Variants in CHD2 observed in about 807,000 individuals in gnomAD.
The protein encoded by CHD2 is ATP-dependent chromatin remodeler CHD2.
In CHD2, 28 loss-of-function variants were observed where a neutral mutation model predicts 243.9. The observed-to-expected ratio is 0.11, with a 90% CI of 0.09 to 0.16. The LOEUF is 0.16. CHD2 is among the 10% of genes least tolerant of loss of function. CHD2 has a pLI of 1.00. For synonymous variants in CHD2, 775 were observed against 779.0 expected (o/e 0.99, Z 0.09); for missense variants, 1,386 against 2,209.8 (o/e 0.63, Z 7.47).
rs2053521051 is a variant in CHD2 at position 92,949,373 on chromosome 15, G to C, written c.1502+297G>C. 7.4e-6 allele frequency: 3 copies of C among 404,560 alleles called. No individual in the cohort carries two copies. The South Asian group carries it at 2.1e-4, about 29-fold the overall frequency. The allele number at this position is 404,560 out of a possible 1,614,324, so 25.1% of individuals were successfully genotyped here. A position where few individuals can be genotyped will look rare whatever the true frequency, so the allele number is the denominator to read the frequency against. Reference sequence around the variant, plus strand: ...TGTTACTCATGAGTGTATATAGCAAGTTAAGTCACTCAAATCTTTAATGTG... The same window carrying C: ...TGTTACTCATGAGTGTATATAGCAACTTAAGTCACTCAAATCTTTAATGTG... On this transcript the variant is annotated intron_variant, in intron 13 of 38. Coordinates refer to ENST00000394196, the MANE Select transcript of CHD2 (RefSeq NM_001271.4).
At chr15:93,017,992 T>G (rs2054485177) in intron 37 of CHD2, among the ~76,000 whole-genome samples, 1 of 152,220 alleles carries the variant, frequency 6.6e-6, no homozygotes, top group Non-Finnish European at 1.5e-5. Flanking sequence ...CTTGGATTCC[T>G]CACCCATCTT....
Position 92,946,245 on chromosome 15 carries a change from CAGGGAGAAGATATACTGATAAAGA to C in CHD2, c.1377+30_1377+53del, listed in dbSNP as rs1269412272. ...TGGTGATGGTTGGCTTTTGTTTTTTCAGGGAGAAGATATACTGATAAAGAGGATTGGACACATATGTGCTGAGAA... is the reference window on the plus strand; with the variant it reads ...TGGTGATGGTTGGCTTTTGTTTTTTCGGATTGGACACATATGTGCTGAGAA... On this transcript the variant is annotated intron_variant, in intron 12 of 38. Coordinates refer to ENST00000394196, the MANE Select transcript of CHD2 (RefSeq NM_001271.4). 9.5e-6 allele frequency: 15 copies of C among 1,573,172 alleles called. No homozygotes were observed. The African/African-American group carries it at 1.8e-4, about 18-fold the overall frequency.
intron 6 of CHD2, among the ~76,000 whole-genome samples, chr15:92,938,764 A>C (rs2053309310): frequency 6.6e-6 from 1 of 152,152 alleles, no homozygotes. Context: ...GACTTCTTTC[A>C]CCTTTTTATC....
At chr15:92,987,241 C>G (rs1349026674) in intron 26 of CHD2, among the ~76,000 whole-genome samples, 1 of 151,872 alleles carries the variant, frequency 6.6e-6, no homozygotes, top group Non-Finnish European at 1.5e-5. Flanking sequence ...GTTTTAATTC[C>G]TATTTTCAGT....
chr15:92,961,003 C>A (rs892333388), intron 16 of CHD2, among the ~76,000 whole-genome samples: 1 of 152,028 alleles, frequency 6.6e-6, no homozygotes, highest in Non-Finnish European at 1.5e-5. Flanking sequence ...GGATTACAGG[C>A]GTGAGCCACT....
chr15:92,947,412 C>T (rs2141798435), intron 12 of CHD2: 1 of 152,288 alleles, frequency 6.6e-6, no homozygotes, highest in South Asian at 2.1e-4. Context: ...AATAGGAGAA[C>T]TACTAGACCC....
At position 92,987,806 on chromosome 15, in the gene CHD2, C is replaced by T. The variant is rs568056359; in HGVS notation, c.3413+2133C>T. 2.2e-3 allele frequency among the ~76,000 whole-genome samples: 325 copies of T among 150,396 alleles called. 1 individual carries two copies. The highest frequency in any genetic ancestry group is 7.7e-3 in the African/African-American group (317 of 40,954). ...TGTTTATTTCCCCATTACTACTTTC[C>T]TTTGTGTTAAATATATAATATACCA... On this transcript the variant is annotated intron_variant, in intron 26 of 38. Transcript: ENST00000394196.
chr15:92,955,420 T>C lies in CHD2; in HGVS notation c.1720-3T>C, dbSNP rs759231634. 2.3e-5 allele frequency: 35 copies of C among 1,551,054 alleles called. No individual in the cohort carries two copies. The South Asian group carries it at 3.2e-4, about 14-fold the overall frequency. ...ATGTCTTAATTATGTTTTTTTCTTATAGATACGGGAATATGAATGGATTCA... is the reference window on the plus strand; with the variant it reads ...ATGTCTTAATTATGTTTTTTTCTTACAGATACGGGAATATGAATGGATTCA... On this transcript the variant is annotated splice_polypyrimidine_tract_variant and splice_region_variant and intron_variant, in intron 14 of 38. Transcript: ENST00000394196.
intron 27 of CHD2, among the ~76,000 whole-genome samples, chr15:92,992,189 T>A (rs2054128575): frequency 6.6e-6 from 1 of 152,212 alleles, no homozygotes; most frequent in South Asian, 2.1e-4. Context: ...CTGTTTTTGT[T>A]TGGTCCTCTC....
chr15:93,011,084 T>C (rs1412592882), intron 35 of CHD2, among the ~76,000 whole-genome samples: 2 of 152,180 alleles, frequency 1.3e-5, no homozygotes, highest in African/African-American at 2.4e-5. Flanking sequence ...TTTTTTTTTT[T>C]TCTTCTTTTT....
At chr15:92,991,609 A>C in intron 27 of CHD2, 92 bp downstream of exon 27, 2 of 838,864 alleles carry the variant, frequency 2.4e-6, no homozygotes, top group Non-Finnish European at 3.7e-6. Flanking sequence ...TTTAATACTA[A>C]TGCTGGGAAC....
intron 5 of CHD2, among the ~76,000 whole-genome samples, chr15:92,930,931 C>G (rs936349075): frequency 2.6e-5 from 4 of 152,098 alleles, no homozygotes; most frequent in African/African-American, 9.7e-5. Flanking sequence ...CTGGGCTAGC[C>G]TTCGTTTCTG....
intron 7 of CHD2, 103 bp downstream of exon 7, chr15:92,939,821 T>C (rs1259778452): frequency 1.7e-6 from 2 of 1,209,636 alleles, no homozygotes; most frequent in Admixed American, 2.4e-5. Context: ...TAGATAAAAA[T>C]AACAGCCTAT....
chr15:92,905,058 T>C (rs1437328141), intron 2 of CHD2: 5 of 1,451,464 alleles, frequency 3.4e-6, no homozygotes, highest in African/African-American at 2.8e-5. Flanking sequence ...TGGGATAGTT[T>C]AGTAGAAAAT....
At chr15:93,021,656 G>T (rs2054536252) in intron 38 of CHD2, 1 of 152,214 alleles carries the variant, frequency 6.6e-6, no homozygotes, top group African/African-American at 2.4e-5. Context: ...GGCCCATCCA[G>T]TGTACTTTGC....
intron 2 of CHD2, among the ~76,000 whole-genome samples, chr15:92,923,696 GC>G (rs1397529978): frequency 6.6e-6 from 1 of 151,388 alleles, no homozygotes; most frequent in African/African-American, 2.4e-5. Context: ...CTCCCGAGTA[GC>G]TTAGACTGCA....
rs2052515341 is a variant in CHD2 at position 92,900,593 on chromosome 15, C to G, written c.-303C>G. 1 of 398,440 alleles carries G rather than the reference C, an allele frequency of 2.5e-6. No individual in the cohort carries two copies. 24.7% of individuals were successfully genotyped at this position (398,440 alleles called of 1,614,324 possible). A position where few individuals can be genotyped will look rare whatever the true frequency, so the allele number is the denominator to read the frequency against. On this transcript the variant is annotated 5_prime_UTR_variant, in exon 1 of 39. Transcript: ENST00000394196. The stretch of plus-strand genomic sequence containing the variant: ...GTCGTTGTTTTTTCCAGCTTAGAAG[C>G]CATGGCGCACCTCCATTTTTGTGCG...
rs754764864 is a variant in CHD2 at position 92,998,507 on chromosome 15, G to A, written c.3894G>A (p.Pro1298=). The A allele has an allele frequency of 4.1e-5, 66 of 1,613,784 alleles. No individual in the cohort carries two copies. Among genetic ancestry groups the A allele is most frequent in the Non-Finnish European group, 4.8e-5 (57 of 1,179,944 alleles). Residue 1298 remains proline (P), a synonymous_variant, in exon 31 of 39, where the codon CCG becomes CCA. Transcript: ENST00000394196. The surrounding 1 kb of genome is among the most constrained non-coding windows in gnomAD (Gnocchi z 5.1). ...PELKLTDKIL[P]VETDKKPQGK... is the part of the protein sequence containing the mutation. ...TTCCTTTCTTGTTGAAGATTCTGCC[G>A]GTGGAGACAGATAAAAAGCCTCAGG...
intron 5 of CHD2, among the ~76,000 whole-genome samples, chr15:92,932,249 G>C (rs1349657993): frequency 6.7e-6 from 1 of 150,060 alleles, no homozygotes; most frequent in African/African-American, 2.4e-5. Context: ...TCTACTACAG[G>C]ATCTAGTTTA....
Sources: allele counts gnomAD v4.1 joint callset (sites outside exome capture counted in the v4.1 genomes callset), GRCh38; gene constraint gnomAD v4.1.1; non-coding constraint Gnocchi (gnomAD v3.1); transcripts MANE v1.5; gene names NCBI Gene and HGNC (gene_info 2026-07-23, HGNC 2026-07-21).